ASB15: variants seen among roughly 807,000 people sequenced by gnomAD.
ASB15 encodes ankyrin repeat and SOCS box containing 15.
In ASB15, 54 loss-of-function variants were observed where a neutral mutation model predicts 58.0. That is an observed-to-expected ratio of 0.93 (90% CI 0.75 to 1.17). The LOEUF is 1.17. Ranked by LOEUF, ASB15 falls within the 50% of genes most tolerant of loss-of-function variation. ASB15 has a pLI of 0.00. For synonymous variants in ASB15, 249 were observed against 262.4 expected, an observed-to-expected ratio of 0.95 and a Z score of 0.50; for missense variants, 680 against 707.4, an observed-to-expected ratio of 0.96 and a Z score of 0.44.
intron 1 of ASB15, among the ~76,000 whole-genome samples, chr7:123,587,379 C>T (rs1014235480): frequency 7.3e-5 from 11 of 150,722 alleles, no homozygotes; most frequent in Non-Finnish European, 1.5e-4. Flanking sequence ...CTACTAATTT[C>T]TGTAGGTTAA....
intron 1 of ASB15, among the ~76,000 whole-genome samples, chr7:123,578,635 T>A (rs567876122): frequency 6.6e-6 from 1 of 151,964 alleles, no homozygotes; most frequent in East Asian, 1.9e-4. Context: ...TCTTTTAATA[T>A]CTGAGCTAAT....
At chr7:123,609,277 C>G (rs1010982316) in intron 3 of ASB15, among the ~76,000 whole-genome samples, 1 of 152,120 alleles carries the variant, frequency 6.6e-6, no homozygotes, top group Non-Finnish European at 1.5e-5. Flanking sequence ...TAGATCCTAG[C>G]CTTAAACTTT....
At chr7:123,602,792 A>C (rs996670537) in intron 1 of ASB15, among the ~76,000 whole-genome samples, 11 of 152,226 alleles carry the variant, frequency 7.2e-5, no homozygotes, top group Non-Finnish European at 1.6e-4. Flanking sequence ...TTACAAAATA[A>C]GACCCTCTTT....
At position 123,601,873 on chromosome 7, in the gene ASB15, G is replaced by C. The variant is rs1262386971; in HGVS notation, c.-286G>C. On this transcript the variant is annotated 5_prime_UTR_variant, in exon 1 of 12. Coordinates refer to ENST00000451215, the MANE Select transcript of ASB15 (RefSeq NM_001290258.2). The stretch of plus-strand genomic sequence containing the variant: ...AGGGCACTTCCTCTGATTTAGGAAG[G>C]CAAGTCCCTGGATAAGAATGACAAG... 6.6e-6 allele frequency: 1 copy of C among 152,092 alleles called. No homozygotes were observed. The highest frequency in any genetic ancestry group is 1.5e-5 in the Non-Finnish European group (1 of 68,004). 9.4% of individuals were successfully genotyped at this position (152,092 alleles called of 1,614,324 possible).
intron 1 of ASB15, among the ~76,000 whole-genome samples, chr7:123,579,168 T>A (rs1010828949): frequency 1.6e-4 from 25 of 152,126 alleles, no homozygotes; most frequent in African/African-American, 6.0e-4. Flanking sequence ...TTTATGTTTC[T>A]GTATTAATTC....
intron 3 of ASB15, among the ~76,000 whole-genome samples, chr7:123,609,397 T>C (rs768990779): frequency 3.9e-5 from 6 of 152,140 alleles, no homozygotes; most frequent in Non-Finnish European, 8.8e-5. Flanking sequence ...CACTGGAAGA[T>C]GGAACAATAA....
At chr7:123,618,390 T>C (rs1346718929) in intron 7 of ASB15, among the ~76,000 whole-genome samples, 11 of 152,072 alleles carry the variant, frequency 7.2e-5, no homozygotes, top group Admixed American at 6.5e-4. Flanking sequence ...CACAGGGTGG[T>C]GGAGTAAGAA....
At chr7:123,633,186 G>T (rs1312647438) in intron 11 of ASB15, among the ~76,000 whole-genome samples, 1 of 152,116 alleles carries the variant, frequency 6.6e-6, no homozygotes, top group Non-Finnish European at 1.5e-5. Flanking sequence ...ACACTAAACA[G>T]AATGCCAAGA....
rs1554395608 is a variant in ASB15 at position 123,623,872 on chromosome 7, A to AAAAGAAAAG, written c.452-694_452-693insGAAAAGAAA. On this transcript the variant is annotated intron_variant, in intron 7 of 11. Coordinates refer to ENST00000451215, the MANE Select transcript of ASB15 (RefSeq NM_001290258.2). Reference sequence around the variant, plus strand: ...GAGCGAGACTCTGTCTCAAAAAAAAAAAAAGAAAAGAAAAGAAGAAAGAAA... The same window carrying AAAAGAAAAG: ...GAGCGAGACTCTGTCTCAAAAAAAAAAAAGAAAAGAAAAGAAAAGAAAAGAAGAAAGAAA... 1.9e-4 allele frequency among the ~76,000 whole-genome samples: 19 copies of AAAAGAAAAG among 99,610 alleles called. 1 individual carries two copies. The highest frequency in any genetic ancestry group is 3.7e-4 in the African/African-American group (10 of 26,856). 65.3% of individuals were successfully genotyped at this position (99,610 alleles called of 152,430 possible).
At chr7:123,601,314 A>G (rs1799872809), upstream of ASB15, among the ~76,000 whole-genome samples, 1 of 152,200 alleles carries the variant, frequency 6.6e-6, no homozygotes, top group South Asian at 2.1e-4. Flanking sequence ...TGACCTAAAA[A>G]TTCTTGATCA....
At chr7:123,632,889 GA>G (rs1054050936) in intron 11 of ASB15, among the ~76,000 whole-genome samples, 10 of 152,136 alleles carry the variant, frequency 6.6e-5, no homozygotes, top group Non-Finnish European at 1.0e-4. Flanking sequence ...ACTTATAAGA[GA>G]AAAAAATAGA....
intron 4 of ASB15, 83 bp downstream of exon 4, chr7:123,614,692 A>T (rs1800686064): frequency 1.1e-6 from 1 of 893,350 alleles, no homozygotes; most frequent in African/African-American, 1.7e-5. Flanking sequence ...CCGTTTCCTA[A>T]TTCCTCCTCT....
At chr7:123,631,574 G>A (rs1047352858) in intron 11 of ASB15, among the ~76,000 whole-genome samples, 2 of 152,048 alleles carry the variant, frequency 1.3e-5, no homozygotes, top group Non-Finnish European at 2.9e-5. Flanking sequence ...AGCCCGCATT[G>A]AGAGTAAAAT....
chr7:123,605,150 C>A (rs1381453091), intron 2 of ASB15, among the ~76,000 whole-genome samples: 1 of 151,936 alleles, frequency 6.6e-6, no homozygotes, highest in East Asian at 1.9e-4. Flanking sequence ...ATACATTATG[C>A]CAGGAATGAA....
chr7:123,572,268 C>T (rs1359940343), intron 1 of ASB15, among the ~76,000 whole-genome samples: 34 of 149,072 alleles, frequency 2.3e-4, no homozygotes, highest in Admixed American at 1.9e-3. Context: ...CAGCCTCCTA[C>T]GTAGCTGGGA....
At chr7:123,627,500 A>G (rs1801874532) in intron 9 of ASB15, among the ~76,000 whole-genome samples, 1 of 152,154 alleles carries the variant, frequency 6.6e-6, no homozygotes, top group African/African-American at 2.4e-5. Flanking sequence ...TACTTTTATA[A>G]TGAAAAGAAA....
chr7:123,572,915 T>C (rs1798954136), intron 1 of ASB15, among the ~76,000 whole-genome samples: 1 of 152,088 alleles, frequency 6.6e-6, no homozygotes, highest in Non-Finnish European at 1.5e-5. Context: ...TTCTTTTTTC[T>C]CTTTTTTGTC....
chr7:123,577,594 G>A (rs531099541), intron 1 of ASB15, among the ~76,000 whole-genome samples: 31 of 152,138 alleles, frequency 2.0e-4, no homozygotes, highest in African/African-American at 7.5e-4. Flanking sequence ...TTCTTCTCAG[G>A]TTTTGAAAAC....
intron 1 of ASB15, among the ~76,000 whole-genome samples, chr7:123,571,141 A>G (rs558976523): frequency 2.0e-5 from 3 of 152,348 alleles, no homozygotes; most frequent in African/African-American, 7.2e-5. Context: ...ATTTACCATA[A>G]AAACAAATAC....
Sources: allele counts gnomAD v4.1 joint callset (sites outside exome capture counted in the v4.1 genomes callset), GRCh38; gene constraint gnomAD v4.1.1; transcripts MANE v1.5; gene names NCBI Gene and HGNC (gene_info 2026-07-23, HGNC 2026-07-21).